The following BEST1 variants were observed in gnomAD, a reference collection of about 807,000 sequenced individuals.
The protein encoded by BEST1 is bestrophin-1.
BEST1 carries 58 observed loss-of-function variants against 63.3 expected under a neutral mutation model. The observed-to-expected ratio is 0.92, with a 90% CI of 0.74 to 1.14. The LOEUF (loss-of-function observed/expected upper bound fraction) is 1.14, where lower values mean the gene tolerates loss of function less well. BEST1 is among the 50% of genes most tolerant of loss of function. The pLI is 0.00. For synonymous variants in BEST1, 283 were observed against 291.6 expected, an observed-to-expected ratio of 0.97 and a Z score of 0.30; for missense variants, 671 against 740.1, an observed-to-expected ratio of 0.91 and a Z score of 1.08.
chr11:61,958,316 C>T lies in BEST1; in HGVS notation c.867+18C>T. On this transcript the variant is annotated intron_variant, in intron 7 of 10. Coordinates refer to ENST00000378043, the MANE Select transcript of BEST1 (RefSeq NM_004183.4). ...GGCTGAAGGTGGGCCTCTCCAGGGC[C>T]CTGCTGGGCTGGAGGCATGGCCAGA... 6.2e-7 allele frequency: 1 copy of T among 1,614,196 alleles called. No homozygotes were observed. The highest frequency in any genetic ancestry group is 8.5e-7 in the Non-Finnish European group (1 of 1,180,034).
At chr11:61,963,821 T>C (rs1248007729) in intron 10 of BEST1, 15 of 1,268,598 alleles carry the variant, frequency 1.2e-5, no homozygotes, top group Non-Finnish European at 1.5e-5. Flanking sequence ...CTGGCCAACA[T>C]GATGAAACCC....
At chr11:61,963,972 G>C in intron 10 of BEST1, 132 bp from the exon 11 acceptor site, 3 of 1,510,358 alleles carry the variant, frequency 2.0e-6, no homozygotes, top group African/African-American at 1.4e-5. Flanking sequence ...CAGCCTGGGC[G>C]ACGGAGTGAG....
chr11:61,955,638 G>C, intron 3 of BEST1, 80 bp from the exon 4 acceptor site: 1 of 1,423,232 alleles, frequency 7.0e-7, no homozygotes, highest in Non-Finnish European at 9.6e-7. Flanking sequence ...TGGAGGAGCC[G>C]AGGCATCGCC....
chr11:61,953,918 A>AAACAAACAAAC (rs1394172648), intron 2 of BEST1, among the ~76,000 whole-genome samples: 1 of 140,908 alleles, frequency 7.1e-6, no homozygotes, highest in African/African-American at 2.8e-5. Flanking sequence ...AACAAACAAA[A>AAACAAACAAAC]ACCAATAAAC....
downstream of BEST1, chr11:61,965,079 T>C: frequency 6.2e-7 from 1 of 1,608,008 alleles, no homozygotes; most frequent in Non-Finnish European, 8.5e-7. Flanking sequence ...TCCATTGCAT[T>C]CAGCCCGCTC....
Position 61,956,981 on chromosome 11 carries a change from C to A in BEST1, c.619C>A (p.Leu207Ile), listed in dbSNP as rs74653691. ...LGGRIRDPIL[L>I]QSLLNEMNTL... Reference sequence around the variant, plus strand: ...AGGTCGAATCCGGGACCCTATCCTGCTCCAGAGCCTGCTGAACGTGAGCCC... The same window carrying A: ...AGGTCGAATCCGGGACCCTATCCTGATCCAGAGCCTGCTGAACGTGAGCCC... The change falls in exon 5 of 11, where the codon CTC becomes ATC. Residue 207 changes from leucine to isoleucine, a missense_variant. Coordinates refer to ENST00000378043, the MANE Select transcript of BEST1 (RefSeq NM_004183.4). 3.1e-3 allele frequency: 4,980 copies of A among 1,614,126 alleles called. 112 individuals carry two copies. The African/African-American group carries it at 0.054, about 18-fold the overall frequency.
intron 3 of BEST1, 161 bp from the exon 4 acceptor site, chr11:61,955,547 TCCATGCGAGG>T: frequency 1.0e-6 from 1 of 1,003,906 alleles, no homozygotes; most frequent in Admixed American, 2.8e-5. Flanking sequence ...CTCTCGCGCC[TCCATGCGAGG>T]CTCTGCCTGC....
intron 7 of BEST1, 135 bp from the exon 8 acceptor site, chr11:61,959,363 C>A (rs778202038): frequency 2.3e-5 from 19 of 838,000 alleles, no homozygotes; most frequent in African/African-American, 5.0e-5. Flanking sequence ...GAGCCCTAAA[C>A]TCTGCCTTTG....
At chr11:61,952,624 G>A (rs537272181) in intron 2 of BEST1, among the ~76,000 whole-genome samples, 49 of 134,434 alleles carry the variant, frequency 3.6e-4, no homozygotes, top group Admixed American at 1.3e-3. Context: ...ACACCACCAC[G>A]CCTGGCTAAT....
chr11:61,955,850 C>T lies in BEST1; in HGVS notation c.380C>T (p.Thr127Met). 1 of 1,550,432 alleles carries T rather than the reference C, an allele frequency of 6.4e-7. No individual in the cohort carries two copies. Among genetic ancestry groups the T allele is most frequent in the Non-Finnish European group, 8.7e-7 (1 of 1,146,888 alleles). ...KDEQGRLLRRTLIRYANLGNV... is the reference protein window; with the variant it reads ...KDEQGRLLRRMLIRYANLGNV... ...GAGCAAGGCCGGCTGCTGCGGCGCA[C>T]GCTCATCCGCTACGCCAACCTGGGC... Residue 127 changes from threonine to methionine, a missense_variant, in exon 4 of 11, where the codon ACG (threonine) becomes ATG (methionine). Transcript: ENST00000378043.
rs1059856 is a variant in BEST1 at position 61,964,227 on chromosome 11, A to G, written c.*105A>G. The stretch of plus-strand genomic sequence containing the variant: ...CATACAGCTGTCCACACTGAAGAAC[A>G]TGTCCTACAACAGCCTGAATCAAAT... On this transcript the variant is annotated 3_prime_UTR_variant, in exon 11 of 11. Transcript: ENST00000378043. The G allele has an allele frequency of 6.3e-7, 1 of 1,588,448 alleles. No individual in the cohort carries two copies. The highest frequency in any genetic ancestry group is 1.8e-5 in the Admixed American group (1 of 56,356).
chr11:61,960,739 C>G (rs930656033), intron 9 of BEST1: 1 of 155,058 alleles, frequency 6.4e-6, no homozygotes. Flanking sequence ...AAAGTCCCAG[C>G]AGGCAGCCAG....
At chr11:61,950,788 T>G (rs933824530) in intron 1 of BEST1, among the ~76,000 whole-genome samples, 5 of 152,138 alleles carry the variant, frequency 3.3e-5, no homozygotes, top group African/African-American at 1.2e-4. Context: ...TGATAAGTGC[T>G]CTCTAGAAAT....
chr11:61,959,756 G>A, intron 8 of BEST1, 136 bp from the exon 9 acceptor site: 3 of 1,377,914 alleles, frequency 2.2e-6, no homozygotes, highest in African/African-American at 1.4e-5. Flanking sequence ...CTGCAGGCAG[G>A]CACCCATCTC....
At position 61,955,072 on chromosome 11, in the gene BEST1, C is replaced by T. The variant is rs371371296; in HGVS notation, c.153-35C>T. The T allele has an allele frequency of 2.9e-5, 47 of 1,612,342 alleles. No homozygotes were observed. In the African/African-American group the frequency reaches 5.6e-4, roughly 19 times the overall value. Reference sequence around the variant, plus strand: ...GACAGTCTCAGCCATCTCCTCGCTGCGTCCACACAATTCCACCCCCACCCC... The same window carrying T: ...GACAGTCTCAGCCATCTCCTCGCTGTGTCCACACAATTCCACCCCCACCCC... On this transcript the variant is annotated intron_variant, in intron 2 of 10. Coordinates refer to ENST00000378043, the MANE Select transcript of BEST1 (RefSeq NM_004183.4).
At chr11:61,964,949 G>A (rs759902073), downstream of BEST1, 28 of 1,613,918 alleles carry the variant, frequency 1.7e-5, no homozygotes, top group African/African-American at 2.7e-5. Flanking sequence ...TAAGGCAAAT[G>A]ATTTCCTCCA....
At position 61,962,846 on chromosome 11, in the gene BEST1, CACT is replaced by C; in HGVS notation, c.1695_1697del (p.Thr566del). On this transcript the variant is annotated inframe_deletion, in exon 10 of 11. Coordinates refer to ENST00000378043, the MANE Select transcript of BEST1 (RefSeq NM_004183.4). ...TGGAACAATCACCAACCAACATACA[CACT>C]ACACTCAAAGATCACATGGATCCTT... 4 of 1,614,212 alleles carry C rather than the reference CACT, an allele frequency of 2.5e-6. No homozygotes were observed. Among genetic ancestry groups the C allele is most frequent in the African/African-American group, 1.3e-5 (1 of 75,058 alleles).
chr11:61,962,387 A>G lies in BEST1; in HGVS notation c.1233A>G (p.Lys411=), dbSNP rs755819750. The G allele has an allele frequency of 1.2e-6, 2 of 1,614,062 alleles. No homozygotes were observed. Among genetic ancestry groups the G allele is most frequent in the Non-Finnish European group, 1.7e-6 (2 of 1,180,036 alleles). ...HHPPRANSRT[K]LLWPKRESLL... The stretch of plus-strand genomic sequence containing the variant: ...CTCCCAGGGCAAACTCAAGGACCAA[A>G]CTACTGTGGCCCAAGAGGGAATCCC... The change falls in exon 10 of 11, where the codon AAA becomes AAG. Residue 411 remains lysine, a synonymous_variant. Coordinates refer to ENST00000378043, the MANE Select transcript of BEST1 (RefSeq NM_004183.4).
At chr11:61,962,166 A>C (rs1317240937) in intron 9 of BEST1, 89 bp from the exon 10 acceptor site, 2 of 1,450,146 alleles carry the variant, frequency 1.4e-6, no homozygotes, top group Non-Finnish European at 1.9e-6. Context: ...GGGCCAACTG[A>C]GAGAGAGGAG....
Sources: allele counts gnomAD v4.1 joint callset (sites outside exome capture counted in the v4.1 genomes callset), GRCh38; gene constraint gnomAD v4.1.1; transcripts MANE v1.5; gene names NCBI Gene and HGNC (gene_info 2026-07-23, HGNC 2026-07-21).